The following SNED1 variants were observed in gnomAD, a reference collection of about 807,000 sequenced individuals.
SNED1 encodes sushi, nidogen and EGF like domains 1.
Under a neutral mutation model 166.7 loss-of-function variants are expected in SNED1, and 81 were observed. That is an observed-to-expected ratio of 0.49 (90% CI 0.41 to 0.58). The LOEUF is 0.58. Ranked by LOEUF, SNED1 falls within the 20% of genes least tolerant of loss-of-function variation. The pLI is 0.00. For missense variants in SNED1, 1,604 were observed against 2,000.2 expected (o/e 0.80, Z 3.78); for synonymous variants, 762 against 822.0 (o/e 0.93, Z 1.25).
At chr2:241,036,060 C>CGGGGTGGGGGTTGGGGGGTGG (rs1480944405) in intron 4 of SNED1, among the ~76,000 whole-genome samples, 3 of 24,316 alleles carry the variant, frequency 1.2e-4, no homozygotes, top group Non-Finnish European at 2.3e-4. Context: ...AGGTGCGTCA[C>CGGGGTGGGGGTTGGGGGGTGG]AGGGTGGGGG....
At chr2:241,052,651 G>A (rs2061892216) in intron 15 of SNED1, among the ~76,000 whole-genome samples, 183 bp downstream of exon 15, 1 of 138,960 alleles carries the variant, frequency 7.2e-6, no homozygotes, top group Non-Finnish European at 1.6e-5. Flanking sequence ...GCCAAGCAGG[G>A]TACATGGGAC....
intron 2 of SNED1, 107 bp downstream of exon 2, chr2:241,030,678 T>A: frequency 8.4e-7 from 1 of 1,187,880 alleles, no homozygotes; most frequent in Middle Eastern, 2.0e-4. Flanking sequence ...CAGTCACTGG[T>A]CCATACCCAA....
intron 27 of SNED1, among the ~76,000 whole-genome samples, chr2:241,080,498 T>C (rs2063278893): frequency 6.6e-6 from 1 of 152,186 alleles, no homozygotes; most frequent in African/African-American, 2.4e-5. Flanking sequence ...GCCAGTGATC[T>C]TTGGAGAAAT....
At chr2:241,067,741 G>C in intron 21 of SNED1, 23 bp from the exon 22 acceptor site, 1 of 1,585,116 alleles carries the variant, frequency 6.3e-7, no homozygotes, top group Non-Finnish European at 8.6e-7. Flanking sequence ...GCCGGCACCT[G>C]CTGAACAGTC....
intron 31 of SNED1, chr2:241,090,199 T>A (rs2063840183): frequency 1.4e-6 from 2 of 1,471,728 alleles, no homozygotes; most frequent in Non-Finnish European, 1.8e-6. Flanking sequence ...TTCTCTGTTT[T>A]TAAAATTTTT....
intron 6 of SNED1, among the ~76,000 whole-genome samples, chr2:241,038,903 C>T (rs1262715886): frequency 2.6e-5 from 4 of 152,206 alleles, no homozygotes; most frequent in African/African-American, 9.6e-5. Flanking sequence ...TGGGCTGCTC[C>T]TCGGCTATGC....
chr2:241,034,642 G>A lies in SNED1; in HGVS notation c.717G>A (p.Val239=). 6.2e-7 allele frequency: 1 copy of A among 1,611,768 alleles called. No homozygotes were observed. The highest frequency in any genetic ancestry group is 1.1e-5 in the South Asian group (1 of 90,918). Residue 239 remains valine (V), a synonymous_variant, in exon 4 of 32, where the codon GTG becomes GTA. Coordinates refer to ENST00000310397, the MANE Select transcript of SNED1 (RefSeq NM_001080437.3). The stretch of plus-strand genomic sequence containing the variant: ...CGCGCACAGCAGACATGGCCGAGGT[G>A]GAGACCACCACCAACGTGGGTGTGC... The part of the protein sequence containing the change: ...PGSRTADMAE[V]ETTTNVGVPG...
At chr2:241,012,606 G>A (rs1014171565) in intron 1 of SNED1, among the ~76,000 whole-genome samples, 1 of 152,184 alleles carries the variant, frequency 6.6e-6, no homozygotes, top group Non-Finnish European at 1.5e-5. Flanking sequence ...TATTGTTGTT[G>A]TTTTAATTGA....
chr2:241,093,125 C>A lies in SNED1; in HGVS notation c.*1489C>A, dbSNP rs3815291. 0.51 allele frequency: 78,484 copies of A among 152,398 alleles called. 23,155 individuals are homozygous for A. The highest frequency in any genetic ancestry group is 0.82 in the African/African-American group (33,953 of 41,508). 9.4% of individuals were successfully genotyped at this position (152,398 alleles called of 1,614,324 possible). ...TCAGAAAGAAGGAACAGGCAATTCG[C>A]GAAGTTTCACCTGTACTCCCGAGCT... On this transcript the variant is annotated 3_prime_UTR_variant, in exon 32 of 32. Transcript: ENST00000310397.
At chr2:241,070,857 C>T (rs934794888) in intron 24 of SNED1, among the ~76,000 whole-genome samples, 4 of 152,204 alleles carry the variant, frequency 2.6e-5, no homozygotes, top group East Asian at 1.9e-4. Context: ...GGAGAGGCCA[C>T]GGCGGGACAG....
chr2:241,079,045 C>T (rs1265298688), intron 27 of SNED1, among the ~76,000 whole-genome samples: 3 of 142,590 alleles, frequency 2.1e-5, no homozygotes, highest in African/African-American at 5.3e-5. Context: ...ACCCAGGAGG[C>T]GGAGGCTGCA....
At chr2:241,055,427 C>T (rs1179644039) in intron 16 of SNED1, among the ~76,000 whole-genome samples, 2 of 152,198 alleles carry the variant, frequency 1.3e-5, no homozygotes, top group Non-Finnish European at 2.9e-5. Flanking sequence ...TGACATCAAA[C>T]TTCTCAACAG....
chr2:241,085,860 C>CTTTTTTTTTTT (rs772995766), intron 29 of SNED1, among the ~76,000 whole-genome samples: 13 of 79,188 alleles, frequency 1.6e-4, no homozygotes, highest in Non-Finnish European at 2.4e-4. Context: ...TCTGCGGTTT[C>CTTTTTTTTTTT]TTTTTTTTTT....
At chr2:241,011,113 G>C (rs544752906) in intron 1 of SNED1, among the ~76,000 whole-genome samples, 135 of 145,244 alleles carry the variant, frequency 9.3e-4, no homozygotes, top group African/African-American at 3.1e-3. Context: ...AGGTCTCCTG[G>C]GTCTCCTGGG....
Position 241,018,214 on chromosome 2 carries a change from A to G in SNED1, c.214-12070A>G, listed in dbSNP as rs1262316516. On this transcript the variant is annotated intron_variant, in intron 1 of 31. Coordinates refer to ENST00000310397, the MANE Select transcript of SNED1 (RefSeq NM_001080437.3). This position sits in a 1 kb window ranked among gnomAD's most constrained non-coding sequence, Gnocchi z 5.4. ...CCGCGCATTTGCAGCTTTGGTCACC[A>G]TACACGACGTAACCCACAGGCGCTC... 6.6e-6 allele frequency among the ~76,000 whole-genome samples: 1 copy of G among 152,186 alleles called. No homozygotes were observed.
At position 241,039,314 on chromosome 2, in the gene SNED1, C is replaced by T. The variant is rs2061458958; in HGVS notation, c.1046-761C>T. Among the ~76,000 whole-genome samples, 3 of 152,166 alleles carry T rather than the reference C, an allele frequency of 2.0e-5. No homozygotes were observed. The South Asian group carries it at 6.2e-4, about 32-fold the overall frequency. ...AGTAGTCAGGCCCTCCTGTCTCCTT[C>T]CTATGCCAAAGAGAGGGCCCCACCA... On this transcript the variant is annotated intron_variant, in intron 6 of 31. Coordinates refer to ENST00000310397, the MANE Select transcript of SNED1 (RefSeq NM_001080437.3).
intron 2 of SNED1, 60 bp downstream of exon 2, chr2:241,030,631 C>T (rs1350416228): frequency 1.1e-5 from 17 of 1,530,662 alleles, no homozygotes; most frequent in Middle Eastern, 1.7e-4. Flanking sequence ...AGGGTCTCCC[C>T]GCACCAGGGC....
At chr2:241,090,001 G>T (rs1276212767) in intron 31 of SNED1, 1 of 1,549,350 alleles carries the variant, frequency 6.5e-7, no homozygotes, top group Admixed American at 2.0e-5. Flanking sequence ...GCTTAGCGTA[G>T]CTGGAATGCG....
At chr2:241,052,771 T>C (rs1358146012) in intron 15 of SNED1, among the ~76,000 whole-genome samples, 1 of 95,946 alleles carries the variant, frequency 1.0e-5, no homozygotes, top group African/African-American at 4.9e-5. Flanking sequence ...GCAGGGTACA[T>C]GGGATGCTGG....
Sources: allele counts gnomAD v4.1 joint callset (sites outside exome capture counted in the v4.1 genomes callset), GRCh38; gene constraint gnomAD v4.1.1; non-coding constraint Gnocchi (gnomAD v3.1); transcripts MANE v1.5; gene names NCBI Gene and HGNC (gene_info 2026-07-23, HGNC 2026-07-21).